Variants in TBC1D12 observed in about 807,000 individuals in gnomAD.
The protein encoded by TBC1D12 is TBC1 domain family member 12, also known as TBC1 domain family, member 12.
In TBC1D12, 56 loss-of-function variants were observed where a neutral mutation model predicts 86.7. That is an observed-to-expected ratio of 0.65 (90% CI 0.52 to 0.81). The LOEUF is 0.81. Ranked by LOEUF, TBC1D12 falls within the 30% of genes least tolerant of loss-of-function variation. The probability of loss-of-function intolerance (pLI) is 0.00; values close to 1 mark genes in which losing one functional copy is unlikely to be tolerated. For missense variants in TBC1D12, 1,023 were observed against 1,038.8 expected, an observed-to-expected ratio of 0.98 and a Z score of 0.21; for synonymous variants, 421 against 411.7, an observed-to-expected ratio of 1.02 and a Z score of -0.27.
chr10:94,494,136 C>CT (rs1378677426), intron 4 of TBC1D12, among the ~76,000 whole-genome samples: 1 of 152,014 alleles, frequency 6.6e-6, no homozygotes, highest in Non-Finnish European at 1.5e-5. Flanking sequence ...AAAGTATACT[C>CT]TTGTGTGTAT....
intron 2 of TBC1D12, among the ~76,000 whole-genome samples, chr10:94,473,892 A>G (rs2055947475): frequency 1.3e-5 from 2 of 152,346 alleles, no homozygotes; most frequent in South Asian, 4.1e-4. Flanking sequence ...ATCAGGTTGG[A>G]TGAATTAGAA....
rs1459213809 is a variant in TBC1D12 at position 94,496,553 on chromosome 10, GTTGT to G, written c.1295-495_1295-492del. On this transcript the variant is annotated intron_variant, in intron 4 of 12. Transcript: ENST00000225235. ...AATGGGTATTGGTTAGTTGCCCACA[GTTGT>G]TTGTTTTTTATATAGTTAATTCATA... Among the ~76,000 whole-genome samples the G allele has an allele frequency of 1.2e-4, 18 of 152,262 alleles. No homozygotes were observed. The East Asian group carries it at 3.3e-3, about 28-fold the overall frequency.
At chr10:94,452,632 G>A (rs1226649898) in intron 2 of TBC1D12, among the ~76,000 whole-genome samples, 1 of 151,972 alleles carries the variant, frequency 6.6e-6, no homozygotes, top group Non-Finnish European at 1.5e-5. Flanking sequence ...TCTTTTTAGT[G>A]CTGAATAATA....
At chr10:94,491,916 GA>G (rs927414937) in intron 3 of TBC1D12, among the ~76,000 whole-genome samples, 13 of 107,806 alleles carry the variant, frequency 1.2e-4, no homozygotes, top group African/African-American at 1.7e-4. Flanking sequence ...AAATTAATAA[GA>G]AAAAAAAATC....
At chr10:94,525,129 A>G (rs369884928) in intron 11 of TBC1D12, among the ~76,000 whole-genome samples, 1 of 152,144 alleles carries the variant, frequency 6.6e-6, no homozygotes, top group East Asian at 1.9e-4. Context: ...AACATGACCA[A>G]CACTGATTTT....
In TBC1D12 at chr10:94,531,674, T is replaced by G. The variant is rs866776564; in HGVS notation, c.2259+214T>G. Among the ~76,000 whole-genome samples, 435 of 141,224 alleles carry G rather than the reference T, an allele frequency of 3.1e-3. 3 individuals carry two copies. Among genetic ancestry groups the G allele is most frequent in the African/African-American group, 0.011 (415 of 37,714 alleles). The allele number at this position is 141,224 out of a possible 152,430, so 92.6% of individuals were successfully genotyped here. A position where few individuals can be genotyped will look rare whatever the true frequency, so the allele number is the denominator to read the frequency against. On this transcript the variant is annotated intron_variant, in intron 12 of 12. Coordinates refer to ENST00000225235, the MANE Select transcript of TBC1D12 (RefSeq NM_015188.2). ...TTTATTTTATTTTATTTTATTTTAT[T>G]TTATTTTATTTTATGTTATTTTATG...
At chr10:94,476,195 C>G (rs1022073979) in intron 3 of TBC1D12, among the ~76,000 whole-genome samples, 1 of 151,858 alleles carries the variant, frequency 6.6e-6, no homozygotes, top group African/African-American at 2.4e-5. Flanking sequence ...CTTTTTCTAC[C>G]CATTTTCCTG....
chr10:94,404,087 C>T (rs2054817349), intron 1 of TBC1D12, among the ~76,000 whole-genome samples: 1 of 152,098 alleles, frequency 6.6e-6, no homozygotes, highest in African/African-American at 2.4e-5. Context: ...GCTTGCATAG[C>T]GTCTAAATCC....
chr10:94,474,529 C>G (rs2055957809), intron 2 of TBC1D12, 139 bp from the exon 3 acceptor site: 1 of 616,944 alleles, frequency 1.6e-6, no homozygotes, highest in Non-Finnish European at 2.6e-6. Context: ...TATTTTTTGT[C>G]TGCTTGATAT....
At chr10:94,531,906 G>GTTATGTTATGTTATGTTATGTTATT (rs1206473840) in intron 12 of TBC1D12, among the ~76,000 whole-genome samples, 3 of 149,268 alleles carry the variant, frequency 2.0e-5, no homozygotes, top group Admixed American at 6.7e-5. Flanking sequence ...GTTATGTTAT[G>GTTATGTTATGTTATGTTATGTTATT]TTATTTTATT....
chr10:94,438,660 G>A (rs2055338021), intron 1 of TBC1D12, among the ~76,000 whole-genome samples: 1 of 152,014 alleles, frequency 6.6e-6, no homozygotes, highest in South Asian at 2.1e-4. Flanking sequence ...GAAGGTAATT[G>A]GTTTATGCAT....
At chr10:94,431,438 A>T (rs1182823109) in intron 1 of TBC1D12, among the ~76,000 whole-genome samples, 2 of 151,024 alleles carry the variant, frequency 1.3e-5, no homozygotes, top group Non-Finnish European at 3.0e-5. Context: ...AAAGAAAGAA[A>T]ATAATTTGAA....
intron 2 of TBC1D12, among the ~76,000 whole-genome samples, chr10:94,463,852 C>T (rs2055767987): frequency 6.6e-6 from 1 of 152,066 alleles, no homozygotes; most frequent in Admixed American, 6.6e-5. Context: ...AAATTTTCTG[C>T]TTTTTCTACC....
At chr10:94,460,971 G>C (rs1039165988) in intron 2 of TBC1D12, among the ~76,000 whole-genome samples, 1 of 151,796 alleles carries the variant, frequency 6.6e-6, no homozygotes, top group Non-Finnish European at 1.5e-5. Context: ...CATTATTCTT[G>C]CATGTTGTCT....
At chr10:94,525,179 A>G (rs1842255724) in intron 11 of TBC1D12, among the ~76,000 whole-genome samples, 1 of 152,174 alleles carries the variant, frequency 6.6e-6, no homozygotes, top group African/African-American at 2.4e-5. Context: ...GTTGTAAGAG[A>G]GGTGGGATTT....
chr10:94,443,944 C>A (rs549840755), intron 2 of TBC1D12, among the ~76,000 whole-genome samples: 7 of 152,186 alleles, frequency 4.6e-5, no homozygotes, highest in African/African-American at 1.7e-4. Context: ...CAGAAGCAGG[C>A]AAATCACTTG....
chr10:94,511,040 A>G (rs1039112810), intron 8 of TBC1D12, among the ~76,000 whole-genome samples: 4 of 151,832 alleles, frequency 2.6e-5, no homozygotes, highest in African/African-American at 9.7e-5. Flanking sequence ...GCTTGTATCC[A>G]TCAAGTAAGT....
intron 2 of TBC1D12, among the ~76,000 whole-genome samples, chr10:94,447,337 C>T (rs2055483412): frequency 6.6e-6 from 1 of 152,090 alleles, no homozygotes; most frequent in African/African-American, 2.4e-5. Context: ...TATACACACA[C>T]ACACATCTAT....
rs1842496484 is a variant in TBC1D12, at chr10:94,534,128, G to A, written c.*1032G>A. 1 of 152,142 alleles carries A rather than the reference G, an allele frequency of 6.6e-6. No homozygotes were observed. Among genetic ancestry groups the A allele is most frequent in the South Asian group, 2.1e-4 (1 of 4,830 alleles). 9.4% of individuals were successfully genotyped at this position (152,142 alleles called of 1,614,324 possible). On this transcript the variant is annotated 3_prime_UTR_variant, in exon 13 of 13. Coordinates refer to ENST00000225235, the MANE Select transcript of TBC1D12 (RefSeq NM_015188.2). ...AATAAGAATAAAAGAAAAAGGTAAA[G>A]TTAATTTTTTTTCTAAGTCTACATC...
Sources: allele counts gnomAD v4.1 joint callset (sites outside exome capture counted in the v4.1 genomes callset), GRCh38; gene constraint gnomAD v4.1.1; transcripts MANE v1.5; gene names NCBI Gene and HGNC (gene_info 2026-07-23, HGNC 2026-07-21).